Variants in LRRC4B observed in about 807,000 individuals in gnomAD.
LRRC4B encodes leucine-rich repeat-containing protein 4B.
LRRC4B carries 1 observed loss-of-function variant against 7.3 expected under a neutral mutation model. The observed-to-expected ratio is 0.14, with a 90% CI of 0.05 to 0.65. LRRC4B has a LOEUF of 0.65. LRRC4B is among the 30% of genes least tolerant of loss of function. The pLI is 0.84. For synonymous variants in LRRC4B, 500 were observed against 499.2 expected (o/e 1.00, Z -0.02); for missense variants, 730 against 1,041.6 (o/e 0.70, Z 4.12).
At chr19:50,559,625 G>T (rs1982399615) in intron 1 of LRRC4B, among the ~76,000 whole-genome samples, 1 of 152,224 alleles carries the variant, frequency 6.6e-6, no homozygotes, top group Admixed American at 6.5e-5. Flanking sequence ...GAGTTTGCAG[G>T]TTGGGAGGGG....
chr19:50,568,346 C>T lies in LRRC4B; in HGVS notation c.-438G>A, dbSNP rs1343514855. Among the ~76,000 whole-genome samples the T allele has an allele frequency of 7.4e-6, 1 of 134,960 alleles. No homozygotes were observed. Among genetic ancestry groups the T allele is most frequent in the Non-Finnish European group, 1.6e-5 (1 of 63,444 alleles). 88.5% of individuals were successfully genotyped at this position (134,960 alleles called of 152,430 possible). ...GCTCTCCCCCCACCCCACCCCCCCC[C>T]AGGCCCCGGCCCCGGCCCCGGCCCC... On this transcript the variant is annotated 5_prime_UTR_variant, in exon 1 of 3. Coordinates refer to ENST00000652263, the MANE Select transcript of LRRC4B (RefSeq NM_001080457.2).
Position 50,519,816 on chromosome 19 carries a change from T to C in LRRC4B, c.298-401A>G, listed in dbSNP as rs1980475157. Among the ~76,000 whole-genome samples, 1 of 152,048 alleles carries C rather than the reference T, an allele frequency of 6.6e-6. No individual in the cohort carries two copies. The highest frequency in any genetic ancestry group is 2.4e-5 in the African/African-American group (1 of 41,376). ...TGAACCCAGGAGGCGGAGTCTGCAG[T>C]GAGTCGAGATAGTGCCACTGCACTC... On this transcript the variant is annotated intron_variant, in intron 2 of 2. Coordinates refer to ENST00000652263, the MANE Select transcript of LRRC4B (RefSeq NM_001080457.2). This position sits in a 1 kb window ranked among gnomAD's most constrained non-coding sequence, Gnocchi z 8.1.
intron 1 of LRRC4B, among the ~76,000 whole-genome samples, chr19:50,558,463 C>T (rs1982356116): frequency 6.6e-6 from 1 of 152,200 alleles, no homozygotes. Flanking sequence ...CTCTCGGCCT[C>T]AAACAATCCT....
rs765759216 is a variant in LRRC4B at position 50,517,595 on chromosome 19, C to T, written c.2118G>A (p.Glu706=). The T allele has an allele frequency of 4.8e-6, 7 of 1,448,738 alleles. No individual in the cohort carries two copies. Among genetic ancestry groups the T allele is most frequent in the Admixed American group, 2.8e-5 (1 of 35,724 alleles). 89.7% of individuals were successfully genotyped at this position (1,448,738 alleles called of 1,614,324 possible). A position where few individuals can be genotyped will look rare whatever the true frequency, so the allele number is the denominator to read the frequency against. The change falls in exon 3 of 3, where the codon GAG becomes GAA. Residue 706 remains glutamate (E), a synonymous_variant. Transcript: ENST00000652263. This position sits in a 1 kb window ranked among gnomAD's most constrained non-coding sequence, Gnocchi z 6.6. ...CTCAGATCTGCGTCTCTTGCACGTT[C>T]TCCTTGGAGCCGCTCTTGAAGAGCA... is the stretch of plus-strand genomic sequence containing the variant. ...EPLLFKSGSK[E]NVQETQI
chr19:50,549,748 G>A (rs11673626), intron 1 of LRRC4B, among the ~76,000 whole-genome samples: 46,023 of 152,098 alleles, frequency 0.3, 7,285 homozygotes, highest in Admixed American at 0.39. Context: ...CACAGGCCGA[G>A]AGGCCACCAG....
chr19:50,555,054 C>T lies in LRRC4B; in HGVS notation c.-35-6181G>A, dbSNP rs538614184. ...ATATCACACGCCCGACACCCCACCACGGCTTCACGCCCGGCTGGCAGAGGC... is the reference window on the plus strand; with the variant it reads ...ATATCACACGCCCGACACCCCACCATGGCTTCACGCCCGGCTGGCAGAGGC... On this transcript the variant is annotated intron_variant, in intron 1 of 2. Coordinates refer to ENST00000652263, the MANE Select transcript of LRRC4B (RefSeq NM_001080457.2). The surrounding 1 kb of genome is among the most constrained non-coding windows in gnomAD (Gnocchi z 5.2). Among the ~76,000 whole-genome samples, 25 of 152,334 alleles carry T rather than the reference C, an allele frequency of 1.6e-4. No individual in the cohort carries two copies. Among genetic ancestry groups the T allele is most frequent in the Non-Finnish European group, 2.6e-4 (18 of 68,014 alleles).
intron 2 of LRRC4B, among the ~76,000 whole-genome samples, chr19:50,547,040 G>A (rs1599778313): frequency 6.6e-6 from 1 of 152,224 alleles, no homozygotes; most frequent in East Asian, 1.9e-4. Context: ...GTGTATAAGT[G>A]GGGGAAGGAT....
Position 50,537,843 on chromosome 19 carries a change from C to T in LRRC4B, c.297+10699G>A, listed in dbSNP as rs1055774762. ...GCTGCTGAGGGAATGAAGAGGATAACTCAGCTGGAATGAGAGCCAGGGAGG... is the reference window on the plus strand; with the variant it reads ...GCTGCTGAGGGAATGAAGAGGATAATTCAGCTGGAATGAGAGCCAGGGAGG... On this transcript the variant is annotated intron_variant, in intron 2 of 2. Transcript: ENST00000652263. The surrounding 1 kb of genome is among the most constrained non-coding windows in gnomAD (Gnocchi z 5.5). 6.6e-6 allele frequency among the ~76,000 whole-genome samples: 1 copy of T among 152,042 alleles called. No homozygotes were observed. The highest frequency in any genetic ancestry group is 2.4e-5 in the African/African-American group (1 of 41,374).
Position 50,556,962 on chromosome 19 carries a change from T to A in LRRC4B, c.-35-8089A>T, listed in dbSNP as rs917430207. On this transcript the variant is annotated intron_variant, in intron 1 of 2. Transcript: ENST00000652263. The surrounding 1 kb of genome is among the most constrained non-coding windows in gnomAD (Gnocchi z 4.2). ...CAATGGGCCGGGGGCGGGGGGGCCC[T>A]CCTTCCTCTCACAACGGGCTGTGAC... Among the ~76,000 whole-genome samples the A allele has an allele frequency of 1.6e-4, 24 of 151,818 alleles. No individual in the cohort carries two copies. The highest frequency in any genetic ancestry group is 5.6e-4 in the African/African-American group (23 of 41,318).
In LRRC4B at chr19:50,555,106, C is replaced by T. The variant is rs1982226411; in HGVS notation, c.-35-6233G>A. On this transcript the variant is annotated intron_variant, in intron 1 of 2. Transcript: ENST00000652263. This position sits in a 1 kb window ranked among gnomAD's most constrained non-coding sequence, Gnocchi z 5.2. ...CCATGGACTGCCCTCTGCCCCCACG[C>T]ACCCCTAGTAGTGATGGGAAATACT... 6.6e-6 allele frequency among the ~76,000 whole-genome samples: 1 copy of T among 152,206 alleles called. No homozygotes were observed. The highest frequency in any genetic ancestry group is 6.5e-5 in the Admixed American group (1 of 15,274).
rs558032963 is a variant in LRRC4B at position 50,541,193 on chromosome 19, A to G, written c.297+7349T>C. Among the ~76,000 whole-genome samples the G allele has an allele frequency of 1.7e-3, 248 of 150,130 alleles. 3 individuals are homozygous for G. The highest frequency in any genetic ancestry group is 2.9e-3 in the Non-Finnish European group (194 of 67,588). On this transcript the variant is annotated intron_variant, in intron 2 of 2. Coordinates refer to ENST00000652263, the MANE Select transcript of LRRC4B (RefSeq NM_001080457.2). Reference sequence around the variant, plus strand: ...TGAGAGGCTCTGTCTCAAAAAAAAAAAGAAAAGAAAAGAAAAGAAAAATTA... The same window carrying G: ...TGAGAGGCTCTGTCTCAAAAAAAAAGAGAAAAGAAAAGAAAAGAAAAATTA...
chr19:50,545,210 C>G (rs1981746978), intron 2 of LRRC4B, among the ~76,000 whole-genome samples: 1 of 151,560 alleles, frequency 6.6e-6, no homozygotes, highest in African/African-American at 2.4e-5. Context: ...GAGTTCGAGT[C>G]TAGCCTGACC....
intron 2 of LRRC4B, among the ~76,000 whole-genome samples, chr19:50,524,400 C>A (rs1980712911): frequency 6.6e-6 from 1 of 152,106 alleles, no homozygotes; most frequent in South Asian, 2.1e-4. Flanking sequence ...CACGTGCCAG[C>A]ACACCTGGCT....
intron 1 of LRRC4B, among the ~76,000 whole-genome samples, chr19:50,566,557 G>T (rs1377348381): frequency 1.4e-5 from 2 of 146,294 alleles, no homozygotes; most frequent in Non-Finnish European, 3.1e-5. Context: ...GGAGATGGGG[G>T]TGCAGAGAGG....
In LRRC4B at chr19:50,559,858, G is replaced by A. The variant is rs769853625; in HGVS notation, c.-36+8086C>T. On this transcript the variant is annotated intron_variant, in intron 1 of 2. Transcript: ENST00000652263. ...TTGTTAAGAGGCAGATTCTGGCCGGGCGCAGTGGCTCACGCCTGTAATCCC... is the reference window on the plus strand; with the variant it reads ...TTGTTAAGAGGCAGATTCTGGCCGGACGCAGTGGCTCACGCCTGTAATCCC... Among the ~76,000 whole-genome samples the A allele has an allele frequency of 1.7e-4, 26 of 152,398 alleles. No individual in the cohort carries two copies. The South Asian group carries it at 2.9e-3, about 17-fold the overall frequency.
At chr19:50,544,179 C>T (rs1981690892) in intron 2 of LRRC4B, among the ~76,000 whole-genome samples, 1 of 151,378 alleles carries the variant, frequency 6.6e-6, no homozygotes, top group Admixed American at 6.6e-5. Flanking sequence ...TGCACTCCAG[C>T]TTGGGCAACA....
intron 2 of LRRC4B, among the ~76,000 whole-genome samples, chr19:50,527,249 G>T (rs113953268): frequency 0.036 from 5,352 of 149,898 alleles, 308 homozygotes; most frequent in African/African-American, 0.12. Context: ...AGCCAGGACG[G>T]TCTCGATCTC....
intron 1 of LRRC4B, chr19:50,550,891 C>G (rs1485637251): frequency 6.6e-6 from 1 of 152,250 alleles, no homozygotes; most frequent in Admixed American, 6.5e-5. Flanking sequence ...TCTTAAGACC[C>G]TGGCGATGAT....
chr19:50,562,385 G>A (rs762999355), intron 1 of LRRC4B, among the ~76,000 whole-genome samples: 39 of 152,014 alleles, frequency 2.6e-4, no homozygotes, highest in Non-Finnish European at 4.0e-4. Context: ...GTTGCCTGAG[G>A]AATACACGGA....
Sources: allele counts gnomAD v4.1 joint callset (sites outside exome capture counted in the v4.1 genomes callset), GRCh38; gene constraint gnomAD v4.1.1; non-coding constraint Gnocchi (gnomAD v3.1); transcripts MANE v1.5; gene names NCBI Gene and HGNC (gene_info 2026-07-23, HGNC 2026-07-21).